Variants in DLC1 observed in about 807,000 individuals in gnomAD.
DLC1 encodes rho GTPase-activating protein 7.
In DLC1, 54 loss-of-function variants were observed where a neutral mutation model predicts 140.3. That is an observed-to-expected ratio of 0.38 (90% CI 0.31 to 0.48). The LOEUF (loss-of-function observed/expected upper bound fraction) is 0.48. Among genes scored for constraint, DLC1 ranks in the 20% least tolerant of loss-of-function variants. The probability of loss-of-function intolerance (pLI) is 0.96; values close to 1 mark genes in which losing one functional copy is unlikely to be tolerated. For missense variants in DLC1, 2,536 were observed against 1,907.0 expected (o/e 1.33, Z -6.14); for synonymous variants, 986 against 728.1 (o/e 1.35, Z -5.70).
chr8:13,228,051 T>C (rs1252683788), intron 5 of DLC1, among the ~76,000 whole-genome samples: 4 of 152,162 alleles, frequency 2.6e-5, no homozygotes, highest in Non-Finnish European at 5.9e-5. Context: ...ATTAGGAAGC[T>C]TACAAGAGAC....
intron 1 of DLC1, among the ~76,000 whole-genome samples, chr8:13,573,156 C>T (rs765451951): frequency 2.0e-5 from 3 of 152,108 alleles, no homozygotes; most frequent in African/African-American, 7.2e-5. Context: ...GTTTTGTGAT[C>T]TTTACCATGT....
At chr8:13,350,881 TACTC>T (rs1307627308) in intron 4 of DLC1, among the ~76,000 whole-genome samples, 1 of 152,204 alleles carries the variant, frequency 6.6e-6, no homozygotes, top group Non-Finnish European at 1.5e-5. Flanking sequence ...TCAAGTATAA[TACTC>T]ATTCTTTTGA....
chr8:13,580,490 G>T (rs1007145421), intron 1 of DLC1, among the ~76,000 whole-genome samples: 1 of 152,128 alleles, frequency 6.6e-6, no homozygotes, highest in Non-Finnish European at 1.5e-5. Context: ...GCCAGAAGGG[G>T]GCACAGACAG....
rs375373154 is a variant in DLC1, at chr8:13,498,206, C to T, written c.1023+843G>A. Among the ~76,000 whole-genome samples the T allele has an allele frequency of 1.8e-3, 281 of 152,218 alleles. 1 individual carries two copies. Among genetic ancestry groups the T allele is most frequent in the African/African-American group, 6.3e-3 (262 of 41,536 alleles). Reference sequence around the variant, plus strand: ...CATGTGGGGTTTATAGAAGAAGAAACTGTGCTTGGACTTATATCAGGACTA... The same window carrying T: ...CATGTGGGGTTTATAGAAGAAGAAATTGTGCTTGGACTTATATCAGGACTA... On this transcript the variant is annotated intron_variant, in intron 2 of 17. Transcript: ENST00000276297.
At chr8:13,538,363 G>A (rs112846473) in intron 1 of DLC1, among the ~76,000 whole-genome samples, 2 of 147,456 alleles carry the variant, frequency 1.4e-5, no homozygotes, top group African/African-American at 5.3e-5. Context: ...TGCCAGCACT[G>A]AGTATAAAAA....
Position 13,383,529 on chromosome 8 carries a change from C to G in DLC1, c.1314+10024G>C, listed in dbSNP as rs891308254. Among the ~76,000 whole-genome samples, 9 of 152,148 alleles carry G rather than the reference C, an allele frequency of 5.9e-5. 1 individual carries two copies. The highest frequency in any genetic ancestry group is 4.6e-4 in the Admixed American group (7 of 15,280). ...CATTTGGAGCAGGCTAGTGCTTTTG[C>G]TTGCATTAGAGACATGGCACATTGT... On this transcript the variant is annotated intron_variant, in intron 4 of 17. Coordinates refer to ENST00000276297, the MANE Select transcript of DLC1 (RefSeq NM_182643.3).
In DLC1 at chr8:13,360,687, A is replaced by G. The variant is rs146082959; in HGVS notation, c.1314+32866T>C. Among the ~76,000 whole-genome samples the G allele has an allele frequency of 1.5e-3, 227 of 152,202 alleles. 1 individual carries two copies. Among genetic ancestry groups the G allele is most frequent in the Middle Eastern group, 3.4e-3 (1 of 294 alleles). ...ATAGTGTGATTTTTTTTTCTTTTAT[A>G]AATAATGTAATTTTCTGATCATACA... On this transcript the variant is annotated intron_variant, in intron 4 of 17. Transcript: ENST00000276297.
At chr8:13,202,719 G>A (rs1827458491) in intron 5 of DLC1, among the ~76,000 whole-genome samples, 3 of 151,716 alleles carry the variant, frequency 2.0e-5, no homozygotes, top group South Asian at 4.2e-4. Context: ...TGTTACCCAG[G>A]CTGGAGTGCA....
At chr8:13,350,224 C>A (rs73663597) in intron 4 of DLC1, among the ~76,000 whole-genome samples, 7,233 of 152,190 alleles carry the variant, frequency 0.048, 404 homozygotes, top group African/African-American at 0.13. Context: ...CACTTTTAAA[C>A]ATACCCTAAC....
intron 4 of DLC1, among the ~76,000 whole-genome samples, chr8:13,322,318 T>G (rs1480075505): frequency 1.3e-5 from 2 of 152,200 alleles, no homozygotes; most frequent in Non-Finnish European, 2.9e-5. Context: ...CTTAATTGTT[T>G]TAGTTACTTG....
chr8:13,356,362 A>G (rs1430212311), intron 4 of DLC1, among the ~76,000 whole-genome samples: 1 of 152,192 alleles, frequency 6.6e-6, no homozygotes, highest in African/African-American at 2.4e-5. Flanking sequence ...TAAGTTGTCC[A>G]CATTCCTCAG....
At chr8:13,403,312 T>C (rs1464618790) in intron 2 of DLC1, among the ~76,000 whole-genome samples, 1 of 152,350 alleles carries the variant, frequency 6.6e-6, no homozygotes, top group Non-Finnish European at 1.5e-5. Flanking sequence ...TATCCCTCAC[T>C]GCTACAGAGC....
chr8:13,102,874 G>C, intron 7 of DLC1, 21 bp from the exon 8 acceptor site: 1 of 1,609,456 alleles, frequency 6.2e-7, no homozygotes, highest in Non-Finnish European at 8.5e-7. Flanking sequence ...AAGAAATAAC[G>C]TTAGCAAAGA....
chr8:13,390,333 T>C (rs1208151819), intron 4 of DLC1, among the ~76,000 whole-genome samples: 2 of 152,220 alleles, frequency 1.3e-5, no homozygotes, highest in African/African-American at 2.4e-5. Context: ...TTCCATGGTG[T>C]ATATGTACCA....
At chr8:13,204,840 A>G (rs2117082358) in intron 5 of DLC1, among the ~76,000 whole-genome samples, 1 of 152,322 alleles carries the variant, frequency 6.6e-6, no homozygotes, top group South Asian at 2.1e-4. Context: ...TATTTATGGG[A>G]ATGCTTGTGG....
chr8:13,277,623 C>A (rs1265036091), intron 5 of DLC1, among the ~76,000 whole-genome samples: 1 of 152,068 alleles, frequency 6.6e-6, no homozygotes, highest in Non-Finnish European at 1.5e-5. Flanking sequence ...TTCTAAAATG[C>A]CAAATAAATC....
At chr8:13,374,500 C>T (rs1033197329) in intron 4 of DLC1, among the ~76,000 whole-genome samples, 4 of 152,112 alleles carry the variant, frequency 2.6e-5, no homozygotes, top group African/African-American at 9.7e-5. Context: ...GAATGTCACC[C>T]CAGGCCGGGT....
At chr8:13,119,619 G>C (rs978090785) in intron 5 of DLC1, among the ~76,000 whole-genome samples, 1 of 152,092 alleles carries the variant, frequency 6.6e-6, no homozygotes, top group African/African-American at 2.4e-5. Context: ...ATAAACACAT[G>C]AGGAAACAGA....
chr8:13,201,660 T>G (rs1230855446), intron 5 of DLC1, among the ~76,000 whole-genome samples: 1 of 152,072 alleles, frequency 6.6e-6, no homozygotes, highest in Non-Finnish European at 1.5e-5. Context: ...ATTTTTGGAG[T>G]CTCCAAAATC....
Sources: gnomAD v4.1 joint callset for allele counts (sites outside exome capture counted in the v4.1 genomes callset) on GRCh38, gnomAD v4.1.1 for gene constraint, MANE v1.5 for transcripts, NCBI Gene and HGNC (gene_info 2026-07-23, HGNC 2026-07-21) for gene names.